Variants in TMEM63C observed in about 807,000 individuals in gnomAD.
TMEM63C encodes the protein transmembrane protein 63C.
A neutral mutation model predicts 99.2 loss-of-function variants in TMEM63C; 32 were observed. The observed-to-expected ratio is 0.32, with a 90% CI of 0.24 to 0.43. The LOEUF is 0.43. TMEM63C is among the 20% of genes least tolerant of loss of function. TMEM63C has a pLI of 1.00. For synonymous variants in TMEM63C, 376 were observed against 397.9 expected, an observed-to-expected ratio of 0.94 and a Z score of 0.66; for missense variants, 826 against 1,053.0, an observed-to-expected ratio of 0.78 and a Z score of 2.98.
At chr14:77,209,742 G>T (rs185535061) in intron 1 of TMEM63C, among the ~76,000 whole-genome samples, 189 of 152,298 alleles carry the variant, frequency 1.2e-3, no homozygotes, top group South Asian at 4.6e-3. Flanking sequence ...AAGTCCAGGA[G>T]GAAGTGGCTC....
At chr14:77,215,957 C>G (rs940310065) in intron 2 of TMEM63C, among the ~76,000 whole-genome samples, 2 of 152,232 alleles carry the variant, frequency 1.3e-5, no homozygotes, top group African/African-American at 4.8e-5. Flanking sequence ...CCTCTCCTGT[C>G]ATTCTCTCTG....
intron 6 of TMEM63C, among the ~76,000 whole-genome samples, chr14:77,230,760 T>A (rs1888924947): frequency 6.6e-6 from 1 of 151,828 alleles, no homozygotes. Flanking sequence ...ATGGAAAAAA[T>A]TGTCTTCCAC....
chr14:77,236,485 G>GTTGTGGGGGTCTGGGGAGACTTGGATGT, intron 8 of TMEM63C, 139 bp from the exon 9 acceptor site: 1 of 578,576 alleles, frequency 1.7e-6, no homozygotes, highest in Non-Finnish European at 3.1e-6. Flanking sequence ...GACTTGGATG[G>GTTGTGGGGGTCTGGGGAGACTTGGATGT]TTGTGGGGGT....
intron 1 of TMEM63C, among the ~76,000 whole-genome samples, chr14:77,196,659 G>A (rs935065978): frequency 6.6e-6 from 1 of 152,190 alleles, no homozygotes; most frequent in Non-Finnish European, 1.5e-5. Flanking sequence ...TTATCCTCTA[G>A]GAAAGGATTA....
intron 8 of TMEM63C, among the ~76,000 whole-genome samples, 171 bp downstream of exon 8, chr14:77,233,671 G>GC (rs1195482075): frequency 6.6e-6 from 1 of 151,934 alleles, no homozygotes; most frequent in African/African-American, 2.4e-5. Flanking sequence ...TCTTGGTGGG[G>GC]CAGGACTCTT....
intron 5 of TMEM63C, 98 bp from the exon 6 acceptor site, chr14:77,225,326 C>T (rs1055211502): frequency 1.2e-5 from 14 of 1,134,866 alleles, no homozygotes; most frequent in South Asian, 4.6e-5. Context: ...CGGACGCTGC[C>T]GCGGCTGCCT....
At chr14:77,186,022 T>TG (rs1351300252) in intron 1 of TMEM63C, among the ~76,000 whole-genome samples, 5 of 151,772 alleles carry the variant, frequency 3.3e-5, no homozygotes, top group African/African-American at 1.2e-4. Flanking sequence ...GTTGTTGTTT[T>TG]TTTTTTTGAA....
intron 5 of TMEM63C, among the ~76,000 whole-genome samples, chr14:77,222,780 C>T (rs1247185820): frequency 6.6e-6 from 1 of 152,210 alleles, no homozygotes; most frequent in African/African-American, 2.4e-5. Flanking sequence ...CCCAGGGAGC[C>T]CTGACCACCC....
chr14:77,239,791 TG>T, intron 12 of TMEM63C, 65 bp downstream of exon 12: 2 of 1,580,620 alleles, frequency 1.3e-6, no homozygotes, highest in Non-Finnish European at 1.7e-6. Context: ...CTAGGCTCTG[TG>T]CCTTTGCCCG....
chr14:77,255,811 T>C (rs985040971), intron 23 of TMEM63C, among the ~76,000 whole-genome samples: 3 of 152,248 alleles, frequency 2.0e-5, no homozygotes, highest in South Asian at 2.1e-4. Flanking sequence ...ATGGCTTACT[T>C]TGGCACCACG....
chr14:77,193,572 C>A (rs965918038), intron 1 of TMEM63C, among the ~76,000 whole-genome samples: 2 of 151,950 alleles, frequency 1.3e-5, no homozygotes, highest in Non-Finnish European at 2.9e-5. Context: ...AGGTGGCTCA[C>A]GCCTGTAATC....
intron 23 of TMEM63C, among the ~76,000 whole-genome samples, chr14:77,255,271 G>A (rs748198511): frequency 3.9e-5 from 6 of 152,196 alleles, no homozygotes; most frequent in African/African-American, 1.4e-4. Context: ...GATTACAGGC[G>A]TGAGCCACCA....
chr14:77,249,258 G>A (rs766929343), intron 20 of TMEM63C, 33 bp from the exon 21 acceptor site: 54 of 1,609,992 alleles, frequency 3.4e-5, no homozygotes, highest in Non-Finnish European at 4.4e-5. Flanking sequence ...ACTTGAAGGG[G>A]CCACTGAGTA....
Position 77,249,295 on chromosome 14 carries a change from G to A in TMEM63C, c.1875G>A (p.Leu625=). Residue 625 remains leucine, a synonymous_variant, in exon 21 of 24, where the codon TTG becomes TTA. Transcript: ENST00000298351. ...GTTTCCACCTTTGTCCCCCAGGGTT[G>A]CTCTACCTGTGCATGAAGCACTTGA... ...ITCPIIVPFG[L]LYLCMKHLTD... 5 of 1,613,938 alleles carry A rather than the reference G, an allele frequency of 3.1e-6. No individual in the cohort carries two copies. The highest frequency in any genetic ancestry group is 4.2e-6 in the Non-Finnish European group (5 of 1,179,862).
intron 18 of TMEM63C, 46 bp from the exon 19 acceptor site, chr14:77,248,301 C>G: frequency 6.5e-7 from 1 of 1,539,558 alleles, no homozygotes; most frequent in South Asian, 1.2e-5. Context: ...ATCTCTCCCT[C>G]TCCCTGTGGC....
chr14:77,243,222 T>C (rs1566630062), intron 15 of TMEM63C, among the ~76,000 whole-genome samples, 166 bp downstream of exon 15: 1 of 152,016 alleles, frequency 6.6e-6, no homozygotes, highest in Non-Finnish European at 1.5e-5. Context: ...GCTTGCTTTG[T>C]TCTAAAGGGA....
At chr14:77,252,077 G>A (rs386104) in intron 22 of TMEM63C, among the ~76,000 whole-genome samples, 179 bp downstream of exon 22, 76 of 137,482 alleles carry the variant, frequency 5.5e-4, no homozygotes, top group African/African-American at 2.1e-3. Flanking sequence ...CATGCCTTGC[G>A]TGCATGCGTG....
intron 22 of TMEM63C, 90 bp downstream of exon 22, chr14:77,251,988 A>T (rs1373269792): frequency 9.5e-7 from 1 of 1,053,102 alleles, no homozygotes. Context: ...CTCCCATAGC[A>T]CCACAGGATG....
At position 77,207,967 on chromosome 14, in the gene TMEM63C, G is replaced by A. The variant is rs577193031; in HGVS notation, c.-76-5479G>A. Among the ~76,000 whole-genome samples the A allele has an allele frequency of 1.2e-3, 179 of 152,292 alleles. 2 individuals are homozygous for A. The highest frequency in any genetic ancestry group is 2.8e-3 in the African/African-American group (118 of 41,574). ...GTGGCACATAGCAAAGTGATCAGGA[G>A]GGGGCTGTGGAACCAGCCCCCCAGC... On this transcript the variant is annotated intron_variant, in intron 1 of 23. Coordinates refer to ENST00000298351, the MANE Select transcript of TMEM63C (RefSeq NM_020431.4).
Sources: allele counts gnomAD v4.1 joint callset (sites outside exome capture counted in the v4.1 genomes callset), GRCh38; gene constraint gnomAD v4.1.1; transcripts MANE v1.5; gene names NCBI Gene and HGNC (gene_info 2026-07-23, HGNC 2026-07-21).